SLC2A8: variants seen among roughly 807,000 people sequenced by gnomAD.
SLC2A8 encodes the protein solute carrier family 2, facilitated glucose transporter member 8.
Under a neutral mutation model 49.2 loss-of-function variants are expected in SLC2A8, and 53 were observed. That is an observed-to-expected ratio of 1.08 (90% CI 0.86 to 1.35). The LOEUF (loss-of-function observed/expected upper bound fraction) is 1.35, where lower values mean the gene tolerates loss of function less well. Among genes scored for constraint, SLC2A8 ranks in the 40% most tolerant of loss-of-function variants. The probability of loss-of-function intolerance (pLI) is 0.00; values close to 1 mark genes in which losing one functional copy is unlikely to be tolerated. For missense variants in SLC2A8, 688 were observed against 671.7 expected, an observed-to-expected ratio of 1.02 and a Z score of -0.27; for synonymous variants, 299 against 297.0, an observed-to-expected ratio of 1.01 and a Z score of -0.07.
At chr9:127,404,788 C>A in intron 7 of SLC2A8, 30 bp from the exon 8 acceptor site, 2 of 1,597,384 alleles carry the variant, frequency 1.3e-6, no homozygotes, top group Non-Finnish European at 1.7e-6. Context: ...TCCCCGGGTG[C>A]CCCGCCCACT....
rs2131869715 is a variant in SLC2A8 at position 127,397,542 on chromosome 9, A to G, written c.219+4A>G. 7.1e-7 allele frequency: 1 copy of G among 1,405,208 alleles called. No homozygotes were observed. The highest frequency in any genetic ancestry group is 9.2e-7 in the Non-Finnish European group (1 of 1,092,002). 87.0% of individuals were successfully genotyped at this position (1,405,208 alleles called of 1,614,324 possible). The stretch of plus-strand genomic sequence containing the variant: ...CGCCGCCGCCTCCTGGTTCGGGGTG[A>G]GGCCCCGGGCTCGCTCCTCCCGCCC... On this transcript the variant is annotated splice_donor_region_variant and intron_variant, in intron 2 of 9. Transcript: ENST00000373371.
In SLC2A8 at chr9:127,407,351, C is replaced by A; in HGVS notation, c.*102C>A. On this transcript the variant is annotated 3_prime_UTR_variant, in exon 10 of 10. Coordinates refer to ENST00000373371, the MANE Select transcript of SLC2A8 (RefSeq NM_014580.5). ...GGAGCCAGAATCCAGCCCCTTGGAGCCTTGGTCTGCAGGGTCCCTCCTTCC... is the reference window on the plus strand; with the variant it reads ...GGAGCCAGAATCCAGCCCCTTGGAGACTTGGTCTGCAGGGTCCCTCCTTCC... The A allele has an allele frequency of 1.4e-6, 2 of 1,455,246 alleles. No homozygotes were observed. Among genetic ancestry groups the A allele is most frequent in the Non-Finnish European group, 1.9e-6 (2 of 1,040,298 alleles). 90.1% of individuals were successfully genotyped at this position (1,455,246 alleles called of 1,614,324 possible).
intron 5 of SLC2A8, chr9:127,403,305 G>C (rs1171646037): frequency 3.1e-6 from 1 of 324,716 alleles, no homozygotes; most frequent in East Asian, 6.0e-5. Context: ...CAGTGGGGAG[G>C]GGAGGGTCAG....
At chr9:127,398,328 C>A (rs1044772884) in intron 3 of SLC2A8, 1 of 780,724 alleles carries the variant, frequency 1.3e-6, no homozygotes, top group Admixed American at 1.7e-5. Flanking sequence ...CATGCAGTCT[C>A]GGAAAGGTGA....
chr9:127,404,999 G>A lies in SLC2A8; in HGVS notation c.1150+8G>A. On this transcript the variant is annotated splice_region_variant and intron_variant, in intron 8 of 9. Coordinates refer to ENST00000373371, the MANE Select transcript of SLC2A8 (RefSeq NM_014580.5). ...TGTGCCTCTTCATCGCCGGTAAGGG[G>A]GCCTGTGGGAGGCTGGGCGAGGAGT... 6.3e-7 allele frequency: 1 copy of A among 1,590,874 alleles called. No homozygotes were observed. The highest frequency in any genetic ancestry group is 8.6e-7 in the Non-Finnish European group (1 of 1,168,076).
intron 4 of SLC2A8, among the ~76,000 whole-genome samples, chr9:127,400,262 A>C (rs1050566754): frequency 6.7e-6 from 1 of 148,390 alleles, no homozygotes; most frequent in African/African-American, 2.5e-5. Flanking sequence ...GGTTCAAGCG[A>C]TTCTCCTGTC....
intron 2 of SLC2A8, among the ~76,000 whole-genome samples, 161 bp downstream of exon 2, chr9:127,397,699 C>A (rs1833087136): frequency 6.6e-6 from 1 of 152,014 alleles, no homozygotes. Flanking sequence ...CTCTGCCCCC[C>A]ATCCCTTCCC....
rs1161172440 is a variant in SLC2A8, at chr9:127,402,721, G to A, written c.691G>A (p.Gly231Ser). The A allele has an allele frequency of 6.4e-7, 1 of 1,554,588 alleles. No homozygotes were observed. Among genetic ancestry groups the A allele is most frequent in the East Asian group, 2.4e-5 (1 of 41,984 alleles). ...ALRFLWGSEQ[G>S]WEDPPIGAEQ... ...GCGGTTCCTGTGGGGCTCCGAGCAG[G>A]GCTGGGAAGACCCCCCCATCGGGGC... Residue 231 changes from glycine to serine, a missense_variant, in exon 5 of 10, where the codon GGC becomes AGC. Physicochemically the swap from Gly to Ser is moderately conservative, Grantham distance 56 (BLOSUM62 0). Transcript: ENST00000373371.
chr9:127,407,239 A>G lies in SLC2A8; in HGVS notation c.1424A>G (p.Glu475Gly). The G allele has an allele frequency of 6.2e-7, 1 of 1,612,980 alleles. No homozygotes were observed. The highest frequency in any genetic ancestry group is 8.5e-7 in the Non-Finnish European group (1 of 1,179,972). Residue 475 changes from glutamate to glycine, a missense_variant, in exon 10 of 10, where the codon GAG becomes GGG. Coordinates refer to ENST00000373371, the MANE Select transcript of SLC2A8 (RefSeq NM_014580.5). ...CTGGAACAAATCACAGCCCATTTTG[A>G]GGGGCGATGACAGCCACTCACTAGG... Reference protein sequence around the residue: ...KTLEQITAHFEGR With the variant: ...KTLEQITAHFGGR
In SLC2A8 at chr9:127,402,689, C is replaced by T. The variant is rs769142051; in HGVS notation, c.659C>T (p.Ala220Val). The T allele has an allele frequency of 1.9e-6, 3 of 1,568,688 alleles. No homozygotes were observed. The highest frequency in any genetic ancestry group is 2.3e-5 in the South Asian group (2 of 85,614). ...CAGCACAGGCGCCAGGAGGCCATGG[C>T]CGCCCTGCGGTTCCTGTGGGGCTCC... is the stretch of plus-strand genomic sequence containing the variant. ...LTQHRRQEAM[A>V]ALRFLWGSEQ... The change falls in exon 5 of 10, where the codon GCC (alanine) becomes GTC (valine). Residue 220 changes from alanine to valine, a missense_variant. By Grantham distance (64) the Ala-to-Val change is moderately conservative. Coordinates refer to ENST00000373371, the MANE Select transcript of SLC2A8 (RefSeq NM_014580.5).
At chr9:127,402,328 A>G in intron 4 of SLC2A8, 2 of 542,314 alleles carry the variant, frequency 3.7e-6, no homozygotes, top group Non-Finnish European at 6.2e-6. Flanking sequence ...GATGCAGCCT[A>G]GTAATGTCCG....
At chr9:127,398,286 A>T (rs1243649602) in intron 3 of SLC2A8, 175 bp downstream of exon 3, 2 of 797,606 alleles carry the variant, frequency 2.5e-6, no homozygotes, top group Non-Finnish European at 4.6e-6. Flanking sequence ...GAAGGATCCT[A>T]CTGTTCTCTC....
intron 9 of SLC2A8, among the ~76,000 whole-genome samples, 153 bp from the exon 10 acceptor site, chr9:127,406,959 C>G (rs1284317619): frequency 6.6e-6 from 1 of 152,196 alleles, no homozygotes; most frequent in Non-Finnish European, 1.5e-5. Context: ...CCTCCATGTC[C>G]CAGAGCTGGG....
intron 8 of SLC2A8, 63 bp downstream of exon 8, chr9:127,405,054 C>A: frequency 6.5e-7 from 1 of 1,529,266 alleles, no homozygotes. Context: ...CCTGCTGTGG[C>A]GGCTCCCGGC....
chr9:127,404,421 T>G, intron 7 of SLC2A8: 1 of 319,070 alleles, frequency 3.1e-6, no homozygotes, highest in South Asian at 5.1e-5. Context: ...CTCTGGGAAG[T>G]GGGGGTAATG....
rs776974112 is a variant in SLC2A8, at chr9:127,399,876, C to T, written c.427-31C>T. The T allele has an allele frequency of 6.3e-7, 1 of 1,596,004 alleles. No homozygotes were observed. On this transcript the variant is annotated intron_variant, in intron 3 of 9. Transcript: ENST00000373371. The surrounding 1 kb of genome is among the most constrained non-coding windows in gnomAD (Gnocchi z 4.2). ...GATTGCAGGCATGAGCCACTGCGCCCAGCCATAAATCCTCATCTGATTGCT... is the reference window on the plus strand; with the variant it reads ...GATTGCAGGCATGAGCCACTGCGCCTAGCCATAAATCCTCATCTGATTGCT...
At chr9:127,404,337 G>A in intron 7 of SLC2A8, 1 of 406,526 alleles carries the variant, frequency 2.5e-6, no homozygotes, top group South Asian at 3.7e-5. Flanking sequence ...TGAGGGCCAG[G>A]AAGGTGAAGT....
chr9:127,402,738 C>A lies in SLC2A8; in HGVS notation c.708C>A (p.Pro236=), dbSNP rs1833339912. The part of the protein sequence containing the change: ...WGSEQGWEDP[P]IGAEQSFHLA... Reference sequence around the variant, plus strand: ...CCGAGCAGGGCTGGGAAGACCCCCCCATCGGGGCTGAGCAGGTGAGAGGCT... The same window carrying A: ...CCGAGCAGGGCTGGGAAGACCCCCCAATCGGGGCTGAGCAGGTGAGAGGCT... The change falls in exon 5 of 10, where the codon CCC becomes CCA. Residue 236 remains proline, a synonymous_variant. Coordinates refer to ENST00000373371, the MANE Select transcript of SLC2A8 (RefSeq NM_014580.5). 6.5e-7 allele frequency: 1 copy of A among 1,547,944 alleles called. No homozygotes were observed. Among genetic ancestry groups the A allele is most frequent in the South Asian group, 1.2e-5 (1 of 83,878 alleles).
chr9:127,397,631 G>C, intron 2 of SLC2A8, 93 bp downstream of exon 2: 2 of 1,345,510 alleles, frequency 1.5e-6, no homozygotes, highest in Non-Finnish European at 1.9e-6. Context: ...CCTTCCCCTC[G>C]GGACAGGCAT....
Sources: allele counts gnomAD v4.1 joint callset (sites outside exome capture counted in the v4.1 genomes callset), GRCh38; gene constraint gnomAD v4.1.1; non-coding constraint Gnocchi (gnomAD v3.1); transcripts MANE v1.5; gene names NCBI Gene and HGNC (gene_info 2026-07-23, HGNC 2026-07-21).